Variants in FOCAD observed in about 807,000 individuals in gnomAD.
The protein encoded by FOCAD is focadhesin.
In FOCAD, 198 loss-of-function variants were observed where a neutral mutation model predicts 225.6. The ratio of observed to expected loss-of-function variants is 0.88; its 90% CI spans 0.78 to 0.99. The LOEUF is 0.99. Ranked by LOEUF, FOCAD falls within the 50% of genes least tolerant of loss-of-function variation. The probability of loss-of-function intolerance (pLI) is 0.00; values close to 1 mark genes in which losing one functional copy is unlikely to be tolerated. For missense variants in FOCAD, 2,713 were observed against 2,123.6 expected (o/e 1.28, Z -5.46); for synonymous variants, 897 against 755.0 (o/e 1.19, Z -3.08).
intron 35 of FOCAD, among the ~76,000 whole-genome samples, chr9:20,971,924 A>T (rs1454176868): frequency 6.6e-6 from 1 of 151,948 alleles, no homozygotes; most frequent in African/African-American, 2.4e-5. Context: ...ATCTAGCATG[A>T]TTTTCTTTTT....
chr9:20,882,992 A>G lies in FOCAD; in HGVS notation c.2503+936A>G, dbSNP rs542315543. Among the ~76,000 whole-genome samples, 7 of 152,308 alleles carry G rather than the reference A, an allele frequency of 4.6e-5. No individual in the cohort carries two copies. In the South Asian group the frequency reaches 1.4e-3, roughly 32 times the overall value. On this transcript the variant is annotated intron_variant, in intron 20 of 43. Coordinates refer to ENST00000338382, the MANE Select transcript of FOCAD (RefSeq NM_001375567.1). ...GACTCAAATTACAAAAGTTATAATC[A>G]GTCCTAACCCAGATCAATTCCTGAT... is the stretch of plus-strand genomic sequence containing the variant.
At chr9:20,946,882 T>C in intron 30 of FOCAD, 62 bp downstream of exon 30, 1 of 1,595,344 alleles carries the variant, frequency 6.3e-7, no homozygotes. Context: ...AAGTTTTGCT[T>C]TTGACTTACT....
chr9:20,947,508 G>A (rs1837293266), intron 30 of FOCAD, among the ~76,000 whole-genome samples: 1 of 152,108 alleles, frequency 6.6e-6, no homozygotes, highest in Admixed American at 6.5e-5. Flanking sequence ...GGAGGAATGG[G>A]GAGTTACTGT....
intron 21 of FOCAD, among the ~76,000 whole-genome samples, chr9:20,899,065 G>A (rs1036120510): frequency 1.3e-5 from 2 of 151,842 alleles, no homozygotes; most frequent in African/African-American, 4.8e-5. Context: ...GATGGGTATT[G>A]CTTTCCCCCA....
At chr9:20,709,808 A>T (rs1824684796) in intron 1 of FOCAD, among the ~76,000 whole-genome samples, 1 of 152,166 alleles carries the variant, frequency 6.6e-6, no homozygotes, top group African/African-American at 2.4e-5. Context: ...TAAAAAACAT[A>T]TTCATTCTCT....
At chr9:20,776,230 G>C (rs1053146949) in intron 8 of FOCAD, among the ~76,000 whole-genome samples, 2 of 152,246 alleles carry the variant, frequency 1.3e-5, no homozygotes, top group Non-Finnish European at 2.9e-5. Flanking sequence ...CGATTTGTCA[G>C]CTTTGGCCTA....
intron 24 of FOCAD, among the ~76,000 whole-genome samples, chr9:20,921,608 A>G (rs1226924401): frequency 1.3e-5 from 2 of 152,172 alleles, no homozygotes; most frequent in Non-Finnish European, 2.9e-5. Flanking sequence ...TGAAATGTGT[A>G]ATTTGGCCTA....
intron 5 of FOCAD, among the ~76,000 whole-genome samples, chr9:20,752,632 G>C (rs567056438): frequency 2.6e-5 from 4 of 151,856 alleles, no homozygotes; most frequent in Non-Finnish European, 5.9e-5. Flanking sequence ...GGATTGACTC[G>C]GCGATGCGGG....
intron 35 of FOCAD, 167 bp from the exon 36 acceptor site, chr9:20,976,253 C>T (rs1475245836): frequency 2.1e-5 from 11 of 530,044 alleles, no homozygotes; most frequent in South Asian, 3.7e-5. Context: ...GCAAGCTTTT[C>T]TGGCAAATGG....
At chr9:20,822,904 G>T in intron 14 of FOCAD, 85 bp from the exon 15 acceptor site, 1 of 1,314,226 alleles carries the variant, frequency 7.6e-7, no homozygotes, top group Non-Finnish European at 1.0e-6. Flanking sequence ...AGAAAATGAT[G>T]GATGCTTTTT....
At chr9:20,782,960 AGAG>A (rs1212794346) in intron 10 of FOCAD, among the ~76,000 whole-genome samples, 1 of 152,214 alleles carries the variant, frequency 6.6e-6, no homozygotes, top group African/African-American at 2.4e-5. Flanking sequence ...TTGAATTGAG[AGAG>A]AAGTTCTTGC....
At chr9:20,813,379 C>G (rs1256465366) in intron 11 of FOCAD, among the ~76,000 whole-genome samples, 1 of 152,076 alleles carries the variant, frequency 6.6e-6, no homozygotes, top group Non-Finnish European at 1.5e-5. Flanking sequence ...TAAACAACCT[C>G]AAGATCGATC....
At chr9:20,924,012 T>A (rs1198154308) in intron 25 of FOCAD, among the ~76,000 whole-genome samples, 1 of 152,214 alleles carries the variant, frequency 6.6e-6, no homozygotes, top group African/African-American at 2.4e-5. Context: ...CCATAGGGGT[T>A]ATCTTTTTGT....
chr9:20,668,356 A>G (rs1440238075), intron 2 of FOCAD, among the ~76,000 whole-genome samples: 2 of 152,238 alleles, frequency 1.3e-5, no homozygotes, highest in African/African-American at 2.4e-5. Context: ...TGGAAATGTG[A>G]ATCAAGTGGA....
At chr9:20,802,575 CA>C (rs1821964489) in intron 11 of FOCAD, among the ~76,000 whole-genome samples, 1 of 152,094 alleles carries the variant, frequency 6.6e-6, no homozygotes, top group Admixed American at 6.5e-5. Flanking sequence ...TCAATTAACA[CA>C]TAAATATATT....
chr9:20,966,428 G>A (rs1839260236), intron 35 of FOCAD, among the ~76,000 whole-genome samples: 1 of 151,802 alleles, frequency 6.6e-6, no homozygotes, highest in Non-Finnish European at 1.5e-5. Flanking sequence ...CTGGAAAATA[G>A]ACCCTTATTT....
chr9:20,886,313 C>G (rs573629673), intron 21 of FOCAD, among the ~76,000 whole-genome samples: 13 of 152,230 alleles, frequency 8.5e-5, no homozygotes, highest in Non-Finnish European at 1.2e-4. Flanking sequence ...TAATTTCAGA[C>G]ATAGGTGATT....
chr9:20,666,203 T>C (rs1396494141), intron 2 of FOCAD, among the ~76,000 whole-genome samples: 1 of 152,214 alleles, frequency 6.6e-6, no homozygotes, highest in African/African-American at 2.4e-5. Context: ...TTGTTTAAAC[T>C]ATTTACCCAT....
At chr9:20,822,893 T>C (rs1475793526) in intron 14 of FOCAD, 96 bp from the exon 15 acceptor site, 7 of 1,212,478 alleles carry the variant, frequency 5.8e-6, no homozygotes. Flanking sequence ...CACAAGAGTA[T>C]AGAAAATGAT....
Sources: allele counts gnomAD v4.1 joint callset (sites outside exome capture counted in the v4.1 genomes callset), GRCh38; gene constraint gnomAD v4.1.1; transcripts MANE v1.5; gene names NCBI Gene and HGNC (gene_info 2026-07-23, HGNC 2026-07-21).